Variants in TSC22D1 observed in about 807,000 individuals in gnomAD.
TSC22D1 encodes TSC22 domain family member 1, also known as TSC22 domain family protein 1.
TSC22D1 carries 9 observed loss-of-function variants against 74.2 expected under a neutral mutation model. That is an observed-to-expected ratio of 0.12 (90% confidence interval 0.07 to 0.21). TSC22D1 has a LOEUF of 0.21. Among genes scored for constraint, TSC22D1 ranks in the 10% least tolerant of loss-of-function variants. The probability of loss-of-function intolerance (pLI) is 1.00; values close to 1 mark genes in which losing one functional copy is unlikely to be tolerated. For missense variants in TSC22D1, 1,427 were observed against 1,304.7 expected, an observed-to-expected ratio of 1.09 and a Z score of -1.44; for synonymous variants, 586 against 492.5, an observed-to-expected ratio of 1.19 and a Z score of -2.51.
At chr13:44,548,325 T>G (rs1307683540) in intron 1 of TSC22D1, among the ~76,000 whole-genome samples, 1 of 152,214 alleles carries the variant, frequency 6.6e-6, no homozygotes, top group East Asian at 1.9e-4. Context: ...GAGACCAGCC[T>G]GGCCAACATG....
intron 1 of TSC22D1, among the ~76,000 whole-genome samples, chr13:44,454,685 C>T (rs950108497): frequency 5.9e-5 from 9 of 152,150 alleles, no homozygotes; most frequent in Admixed American, 3.9e-4. Context: ...CTATTCTACA[C>T]GTTATGTATA....
intron 1 of TSC22D1, among the ~76,000 whole-genome samples, chr13:44,493,146 TAAGTA>T (rs140966011): frequency 9.3e-4 from 141 of 152,326 alleles, no homozygotes; most frequent in African/African-American, 3.3e-3. Context: ...TTACAGCAAC[TAAGTA>T]AATAGTGGCT....
chr13:44,479,095 A>G (rs1878056773), intron 1 of TSC22D1, among the ~76,000 whole-genome samples: 1 of 152,190 alleles, frequency 6.6e-6, no homozygotes, highest in African/African-American at 2.4e-5. Context: ...TAAACTACAC[A>G]AGAGTGACTG....
intron 1 of TSC22D1, among the ~76,000 whole-genome samples, chr13:44,507,077 A>G (rs1399639512): frequency 1.3e-5 from 2 of 152,226 alleles, no homozygotes; most frequent in Non-Finnish European, 2.9e-5. Context: ...TAAGGCAGCT[A>G]TCTCAGCACA....
At chr13:44,533,276 C>G (rs1880956028) in intron 1 of TSC22D1, among the ~76,000 whole-genome samples, 2 of 151,502 alleles carry the variant, frequency 1.3e-5, no homozygotes, top group African/African-American at 4.9e-5. Flanking sequence ...GCCTGGCCAA[C>G]ATGGTGAAAC....
chr13:44,477,985 A>T (rs1249148157), intron 1 of TSC22D1, among the ~76,000 whole-genome samples: 1 of 152,114 alleles, frequency 6.6e-6, no homozygotes, highest in African/African-American at 2.4e-5. Flanking sequence ...AGAAGAAGAG[A>T]CCATGAAGAA....
chr13:44,476,483 TA>T (rs974878730), intron 1 of TSC22D1, among the ~76,000 whole-genome samples: 3 of 152,202 alleles, frequency 2.0e-5, no homozygotes, highest in Admixed American at 6.5e-5. Context: ...TGCTCTATTT[TA>T]AAAAAAGAAA....
intron 1 of TSC22D1, among the ~76,000 whole-genome samples, chr13:44,572,638 T>G (rs563652870): frequency 6.6e-6 from 1 of 152,218 alleles, no homozygotes; most frequent in Non-Finnish European, 1.5e-5. Flanking sequence ...AGTTGGAGTA[T>G]GAGGGCAACC....
intron 1 of TSC22D1, among the ~76,000 whole-genome samples, chr13:44,522,666 T>A (rs946541694): frequency 1.3e-5 from 2 of 152,226 alleles, no homozygotes; most frequent in Non-Finnish European, 2.9e-5. Context: ...ACTGACCTTT[T>A]ATCTTTCACA....
chr13:44,541,109 G>A lies in TSC22D1; in HGVS notation c.2912+32054C>T, dbSNP rs188623891. On this transcript the variant is annotated intron_variant, in intron 1 of 2. Coordinates refer to ENST00000458659, the MANE Select transcript of TSC22D1 (RefSeq NM_183422.4). ...GGTTCCTTACCTGTTAGTGGAACGA[G>A]GATTGTGTTCTCTTGTTCTCTATCA... 5.9e-5 allele frequency among the ~76,000 whole-genome samples: 9 copies of A among 152,250 alleles called. No homozygotes were observed. In the East Asian group the frequency reaches 1.4e-3, roughly 23 times the overall value.
intron 2 of TSC22D1, 46 bp from the exon 3 acceptor site, chr13:44,434,929 T>C: frequency 6.6e-7 from 1 of 1,508,102 alleles, no homozygotes; most frequent in Non-Finnish European, 9.0e-7. Flanking sequence ...TGGTATTTTC[T>C]GGACTCTTTT....
intron 1 of TSC22D1, among the ~76,000 whole-genome samples, chr13:44,454,334 C>T (rs1389717019): frequency 6.6e-6 from 1 of 152,072 alleles, no homozygotes; most frequent in African/African-American, 2.4e-5. Context: ...ATGCTTGGAA[C>T]AGAAAGTATT....
chr13:44,457,523 A>G (rs754001435), intron 1 of TSC22D1, among the ~76,000 whole-genome samples: 36 of 152,066 alleles, frequency 2.4e-4, no homozygotes, highest in Non-Finnish European at 5.0e-4. Context: ...CAACGCATGG[A>G]AATAAAAGAA....
rs756533572 is a variant in TSC22D1, at chr13:44,434,793, G to A, written c.3055C>T (p.Gln1019Ter). 1 of 1,614,018 alleles carries A rather than the reference G, an allele frequency of 6.2e-7. No homozygotes were observed. Among genetic ancestry groups the A allele is most frequent in the Non-Finnish European group, 8.5e-7 (1 of 1,180,020 alleles). Reference sequence around the variant, plus strand: ...AGCAGATTGTTCTCCTGCTCCAGCTGGGAATTTTTCTCTATTAGTTCTTTG... The same window carrying A: ...AGCAGATTGTTCTCCTGCTCCAGCTAGGAATTTTTCTCTATTAGTTCTTTG... Reference protein sequence around the residue: ...QIKELIEKNSQLEQENNLLKT... With the variant: ...QIKELIEKNS Residue 1019 changes from glutamine (Q) to a stop codon, truncating the protein, a stop_gained, in exon 3 of 3, where the codon CAG becomes TAG. Transcript: ENST00000458659. LOFTEE classifies it high-confidence loss of function.
At chr13:44,536,717 A>C in intron 1 of TSC22D1, 1 of 980,496 alleles carries the variant, frequency 1.0e-6, no homozygotes, top group Non-Finnish European at 1.2e-6. Context: ...TACTCTTGAT[A>C]TTTACAGTAT....
At chr13:44,518,750 C>G (rs1372654742) in intron 1 of TSC22D1, among the ~76,000 whole-genome samples, 2 of 152,132 alleles carry the variant, frequency 1.3e-5, no homozygotes, top group East Asian at 3.8e-4. Context: ...CAAACTGACA[C>G]TGGTACACTT....
intron 1 of TSC22D1, among the ~76,000 whole-genome samples, chr13:44,551,914 TA>T (rs933188220): frequency 6.6e-6 from 1 of 151,814 alleles, no homozygotes; most frequent in East Asian, 1.9e-4. Context: ...AAATTAAAAG[TA>T]AAAAAACAAA....
chr13:44,530,259 C>G (rs1214721593), intron 1 of TSC22D1, among the ~76,000 whole-genome samples: 1 of 152,094 alleles, frequency 6.6e-6, no homozygotes, highest in Non-Finnish European at 1.5e-5. Flanking sequence ...ATATAGTCAA[C>G]AGACCTTTGA....
At chr13:44,450,040 G>C (rs1875994783) in intron 1 of TSC22D1, among the ~76,000 whole-genome samples, 1 of 152,198 alleles carries the variant, frequency 6.6e-6, no homozygotes, top group Non-Finnish European at 1.5e-5. Context: ...TGTATAATTT[G>C]AGTGTATATA....
Sources: gnomAD v4.1 joint callset for allele counts (sites outside exome capture counted in the v4.1 genomes callset) on GRCh38, gnomAD v4.1.1 for gene constraint, MANE v1.5 for transcripts, NCBI Gene and HGNC (gene_info 2026-07-23, HGNC 2026-07-21) for gene names.